PSIP1: variants seen among roughly 807,000 people sequenced by gnomAD.
The protein encoded by PSIP1 is PC4 and SRSF1 interacting protein 1.
In PSIP1, 19 loss-of-function variants were observed where a neutral mutation model predicts 74.7. The ratio of observed to expected loss-of-function variants is 0.25; its 90% CI spans 0.18 to 0.37. PSIP1 has a LOEUF of 0.37. PSIP1 is among the 10% of genes least tolerant of loss of function. The pLI, the probability that PSIP1 is intolerant of heterozygous loss-of-function variation, is 1.00. For missense variants in PSIP1, 601 were observed against 614.3 expected, an observed-to-expected ratio of 0.98 and a Z score of 0.23; for synonymous variants, 222 against 195.3, an observed-to-expected ratio of 1.14 and a Z score of -1.14.
At chr9:15,467,956 A>G (rs528897804) in intron 14 of PSIP1, among the ~76,000 whole-genome samples, 7 of 150,772 alleles carry the variant, frequency 4.6e-5, no homozygotes, top group African/African-American at 1.7e-4. Flanking sequence ...CCCCGTGCCT[A>G]CTAAAAATAC....
intron 3 of PSIP1, among the ~76,000 whole-genome samples, chr9:15,499,168 G>A (rs1019820973): frequency 3.3e-5 from 5 of 152,142 alleles, no homozygotes; most frequent in Non-Finnish European, 5.9e-5. Context: ...AACTTGCAGT[G>A]TTCCTTAAAG....
chr9:15,477,862 G>A (rs902931472), intron 8 of PSIP1, among the ~76,000 whole-genome samples: 1 of 152,010 alleles, frequency 6.6e-6, no homozygotes, highest in Non-Finnish European at 1.5e-5. Context: ...TTGTAGGCTA[G>A]GCACGTGGCT....
intron 4 of PSIP1, among the ~76,000 whole-genome samples, 185 bp from the exon 5 acceptor site, chr9:15,487,116 C>T (rs1456780689): frequency 1.3e-5 from 2 of 150,950 alleles, no homozygotes; most frequent in South Asian, 2.1e-4. Flanking sequence ...CCCTCCTCAG[C>T]CTGAGCCCAG....
chr9:15,480,565 A>G (rs1430536432), intron 6 of PSIP1, among the ~76,000 whole-genome samples: 1 of 152,280 alleles, frequency 6.6e-6, no homozygotes, highest in African/African-American at 2.4e-5. Flanking sequence ...GCTGGTATCA[A>G]TAAACTGATA....
rs1230780681 is a variant in PSIP1 at position 15,483,354 on chromosome 9, CCG to C, written c.456+2650_456+2651del. ...CCACCTTAGATTCTAGTTCCCTCCC[CCG>C]CCCCCTTTACCATCCACTTCTCATC... On this transcript the variant is annotated intron_variant, in intron 6 of 15. Transcript: ENST00000380733. Among the ~76,000 whole-genome samples the C allele has an allele frequency of 1.6e-4, 25 of 152,022 alleles. No individual in the cohort carries two copies. The East Asian group carries it at 4.8e-3, about 29-fold the overall frequency.
chr9:15,472,009 A>C, intron 10 of PSIP1: 1 of 974,156 alleles, frequency 1.0e-6, no homozygotes, highest in Non-Finnish European at 1.2e-6. Flanking sequence ...CATTATTATC[A>C]TTGCTATTAC....
chr9:15,472,468 C>G, intron 10 of PSIP1, 164 bp downstream of exon 10: 1 of 1,394,684 alleles, frequency 7.2e-7, no homozygotes, highest in Non-Finnish European at 9.2e-7. Flanking sequence ...GAGAATGAAG[C>G]CTGAAATAAG....
chr9:15,472,647 T>G lies in PSIP1; in HGVS notation c.962A>C (p.Gln321Pro). ...AADRKRKQEE[Q>P]METEQQNKDE... ...AAATACTTACTGCTCAGTTTCCATT[T>G]GTTCCTCTTGCTTGCGTTTTCGATC... The change falls in exon 10 of 16, where the codon CAA becomes CCA. Residue 321 changes from glutamine to proline, a missense_variant. Gln to Pro is a moderately conservative substitution (Grantham distance 76). Around this residue, in one of 2 missense-constraint regions of PSIP1, gnomAD observed 538 missense variants for 507.6 expected, o/e 1.06. Coordinates refer to ENST00000380733, the MANE Select transcript of PSIP1 (RefSeq NM_033222.5). The G allele has an allele frequency of 6.2e-7, 1 of 1,600,794 alleles. No individual in the cohort carries two copies.
At chr9:15,499,498 A>G (rs1366627570) in intron 3 of PSIP1, among the ~76,000 whole-genome samples, 1 of 152,216 alleles carries the variant, frequency 6.6e-6, no homozygotes. Flanking sequence ...TCTCTCTCTT[A>G]ATTCACTTTT....
chr9:15,491,811 C>A (rs1251927077), intron 3 of PSIP1: 2 of 152,474 alleles, frequency 1.3e-5, no homozygotes, highest in Non-Finnish European at 2.9e-5. Context: ...TGGGGAGGCC[C>A]CAAGAAACTT....
At chr9:15,506,705 C>T in intron 2 of PSIP1, 68 bp from the exon 3 acceptor site, 2 of 1,190,222 alleles carry the variant, frequency 1.7e-6, no homozygotes, top group Non-Finnish European at 2.4e-6. Context: ...TCTGAATAAA[C>T]AAGAGCACAA....
rs182992880 is a variant in PSIP1 at position 15,476,083 on chromosome 9, A to G, written c.630-1846T>C. ...TTCTAACGGTGAAGAGCAGAAGTTT[A>G]AAAAGAGCTTATACAGTTTAGTTCT... is the stretch of plus-strand genomic sequence containing the variant. On this transcript the variant is annotated intron_variant, in intron 8 of 15. Coordinates refer to ENST00000380733, the MANE Select transcript of PSIP1 (RefSeq NM_033222.5). Among the ~76,000 whole-genome samples the G allele has an allele frequency of 2.6e-5, 4 of 152,296 alleles. No individual in the cohort carries two copies. In the East Asian group the frequency reaches 7.7e-4, roughly 29 times the overall value.
chr9:15,468,509 C>T, intron 14 of PSIP1, 121 bp downstream of exon 14: 1 of 1,121,552 alleles, frequency 8.9e-7, no homozygotes, highest in Non-Finnish European at 1.4e-6. Context: ...CACCATTTTG[C>T]CTTTGTATAC....
At chr9:15,489,874 C>G in intron 4 of PSIP1, 112 bp downstream of exon 4, 1 of 903,890 alleles carries the variant, frequency 1.1e-6, no homozygotes, top group Non-Finnish European at 1.5e-6. Flanking sequence ...AAGAACACAA[C>G]AAACTAGTAT....
chr9:15,479,543 G>A (rs2036245007), intron 7 of PSIP1, 48 bp downstream of exon 7: 1 of 1,437,788 alleles, frequency 7.0e-7, no homozygotes, highest in African/African-American at 1.4e-5. Flanking sequence ...AAATGGACTG[G>A]AATATTAATC....
chr9:15,492,789 C>T (rs551936104), intron 3 of PSIP1, among the ~76,000 whole-genome samples: 202 of 152,338 alleles, frequency 1.3e-3, no homozygotes, highest in African/African-American at 4.7e-3. Context: ...TCTGCACATC[C>T]GCAGACCCAA....
chr9:15,469,690 C>T (rs973125375), intron 11 of PSIP1, among the ~76,000 whole-genome samples: 1 of 152,076 alleles, frequency 6.6e-6, no homozygotes, highest in Non-Finnish European at 1.5e-5. Flanking sequence ...ATCCAGCTTT[C>T]AGCAAGTGTA....
At chr9:15,510,484 G>A (rs973309457) in intron 1 of PSIP1, among the ~76,000 whole-genome samples, 155 bp from the exon 2 acceptor site, 6 of 152,068 alleles carry the variant, frequency 3.9e-5, no homozygotes, top group Admixed American at 1.3e-4. Context: ...CGCTGGAGCA[G>A]GTCCTCCACC....
Position 15,472,280 on chromosome 9 carries a change from C to A in PSIP1, c.977+352G>T, listed in dbSNP as rs2035870621. The A allele has an allele frequency of 6.0e-6, 6 of 1,004,468 alleles. No homozygotes were observed. In the South Asian group the frequency reaches 2.8e-4, roughly 46 times the overall value. The allele number at this position is 1,004,468 out of a possible 1,614,324, so 62.2% of individuals were successfully genotyped here. A position where few individuals can be genotyped will look rare whatever the true frequency, so the allele number is the denominator to read the frequency against. ...GATGAATAAGGGCATTTCCTGCATT[C>A]TTTGTCTACCAGTATATTATCGCCC... On this transcript the variant is annotated intron_variant, in intron 10 of 15. Coordinates refer to ENST00000380733, the MANE Select transcript of PSIP1 (RefSeq NM_033222.5).
Sources: allele counts gnomAD v4.1 joint callset (sites outside exome capture counted in the v4.1 genomes callset), GRCh38; gene constraint gnomAD v4.1.1; regional missense constraint gnomAD v4.1.1; transcripts MANE v1.5; gene names NCBI Gene and HGNC (gene_info 2026-07-23, HGNC 2026-07-21).